Variants in CLASP2 observed in about 807,000 individuals in gnomAD.
CLASP2 encodes CLIP-associating protein 2.
In CLASP2, 47 loss-of-function variants were observed where a neutral mutation model predicts 194.4. That is an observed-to-expected ratio of 0.24 (90% CI 0.19 to 0.31). The LOEUF (loss-of-function observed/expected upper bound fraction) is 0.31. Ranked by LOEUF, CLASP2 falls within the 10% of genes least tolerant of loss-of-function variation. The probability of loss-of-function intolerance (pLI) is 1.00; values close to 1 mark genes in which losing one functional copy is unlikely to be tolerated. For synonymous variants in CLASP2, 619 were observed against 633.5 expected (o/e 0.98, Z 0.34); for missense variants, 1,445 against 1,823.6 (o/e 0.79, Z 3.78).
intron 1 of CLASP2, among the ~76,000 whole-genome samples, chr3:33,698,359 T>G (rs2092113714): frequency 6.6e-6 from 1 of 152,086 alleles, no homozygotes; most frequent in Non-Finnish European, 1.5e-5. Context: ...GGTCTCTAGT[T>G]GGGGAAAGCC....
At chr3:33,543,144 G>A (rs540782509) in intron 32 of CLASP2, among the ~76,000 whole-genome samples, 13 of 152,222 alleles carry the variant, frequency 8.5e-5, no homozygotes, top group Non-Finnish European at 1.3e-4. Context: ...AGGCCGAGGC[G>A]GGCAGATCAC....
chr3:33,585,409 C>T (rs901719519), intron 21 of CLASP2, among the ~76,000 whole-genome samples: 8 of 152,118 alleles, frequency 5.3e-5, no homozygotes, highest in African/African-American at 1.7e-4. Flanking sequence ...GATGGTATAG[C>T]CTACTACAGA....
intron 1 of CLASP2, among the ~76,000 whole-genome samples, chr3:33,710,866 C>T (rs531178233): frequency 3.3e-5 from 5 of 151,894 alleles, no homozygotes; most frequent in Middle Eastern, 3.5e-3. Context: ...ACCCGGGAGG[C>T]GGATGTTGCA....
chr3:33,522,020 T>C lies in CLASP2; in HGVS notation c.3788-4846A>G, dbSNP rs544557952. 2.0e-5 allele frequency among the ~76,000 whole-genome samples: 3 copies of C among 151,868 alleles called. No homozygotes were observed. The South Asian group carries it at 6.2e-4, about 31-fold the overall frequency. ...TGAGGACCTGTGCACTGTTGACTGC[T>C]GCTTTTTTTTTTCTTCCAAAGACCC... is the stretch of plus-strand genomic sequence containing the variant. On this transcript the variant is annotated intron_variant, in intron 34 of 38. Transcript: ENST00000682230.
At chr3:33,684,247 A>G in intron 6 of CLASP2, 112 bp downstream of exon 6, 1 of 577,874 alleles carries the variant, frequency 1.7e-6, no homozygotes, top group Non-Finnish European at 2.8e-6. Flanking sequence ...CTCCATCTCA[A>G]AAAAATAAAT....
chr3:33,516,906 G>A (rs998334159), intron 35 of CLASP2, 75 bp downstream of exon 35: 23 of 1,253,152 alleles, frequency 1.8e-5, no homozygotes, highest in African/African-American at 4.6e-5. Flanking sequence ...TGCTAAATCC[G>A]TGTAGCATTA....
intron 7 of CLASP2, among the ~76,000 whole-genome samples, chr3:33,645,929 TACACACACACACACACACAC>T (rs60196645): frequency 6.7e-5 from 9 of 135,202 alleles, no homozygotes; most frequent in South Asian, 5.1e-4. Context: ...TCTCCCAGCA[TACACACACACACACACACAC>T]ACACACACAC....
intron 8 of CLASP2, among the ~76,000 whole-genome samples, chr3:33,636,032 G>A (rs1367840040): frequency 3.3e-5 from 5 of 152,156 alleles, no homozygotes; most frequent in Non-Finnish European, 7.3e-5. Context: ...GTTGTATAAC[G>A]TAGACACCAA....
chr3:33,555,095 A>G (rs1373877626), intron 29 of CLASP2, among the ~76,000 whole-genome samples: 2 of 152,226 alleles, frequency 1.3e-5, no homozygotes, highest in African/African-American at 4.8e-5. Flanking sequence ...TTACCTAAAA[A>G]AAAGATACAC....
chr3:33,632,029 A>T (rs1209753255), intron 9 of CLASP2, among the ~76,000 whole-genome samples: 1 of 152,154 alleles, frequency 6.6e-6, no homozygotes, highest in Non-Finnish European at 1.5e-5. Context: ...TAATTCTCTG[A>T]GCTCAAAACT....
chr3:33,627,189 C>A, intron 9 of CLASP2, 109 bp from the exon 10 acceptor site: 1 of 704,224 alleles, frequency 1.4e-6, no homozygotes, highest in Non-Finnish European at 2.6e-6. Flanking sequence ...ATTTCCCATT[C>A]TAGCACCATT....
At chr3:33,499,122 C>T (rs2046241323) in intron 38 of CLASP2, among the ~76,000 whole-genome samples, 1 of 152,014 alleles carries the variant, frequency 6.6e-6, no homozygotes, top group Non-Finnish European at 1.5e-5. Flanking sequence ...GGGCAGTTCC[C>T]CTGTGCTGCT....
chr3:33,613,296 A>G (rs2075529290), intron 12 of CLASP2, among the ~76,000 whole-genome samples: 1 of 152,206 alleles, frequency 6.6e-6, no homozygotes, highest in Non-Finnish European at 1.5e-5. Flanking sequence ...GAAGCTCTAA[A>G]CTGAAATAGT....
chr3:33,519,963 C>T (rs898863538), intron 34 of CLASP2, among the ~76,000 whole-genome samples: 4 of 152,148 alleles, frequency 2.6e-5, no homozygotes, highest in African/African-American at 9.7e-5. Context: ...GGGAGTGATC[C>T]TGATAAACTG....
At chr3:33,655,468 G>C (rs2083986343) in intron 7 of CLASP2, among the ~76,000 whole-genome samples, 1 of 152,078 alleles carries the variant, frequency 6.6e-6, no homozygotes, top group African/African-American at 2.4e-5. Flanking sequence ...TTCAATCTTA[G>C]TGCCTGCTAC....
At chr3:33,594,913 G>A in intron 20 of CLASP2, 38 bp downstream of exon 20, 1 of 1,176,412 alleles carries the variant, frequency 8.5e-7, no homozygotes, top group Non-Finnish European at 1.2e-6. Flanking sequence ...TAGTAATGTA[G>A]ATGTATTTGT....
intron 7 of CLASP2, among the ~76,000 whole-genome samples, chr3:33,653,459 T>C (rs1185628466): frequency 6.6e-6 from 1 of 152,106 alleles, no homozygotes; most frequent in African/African-American, 2.4e-5. Context: ...ATCCTATAGA[T>C]GAATAGAGCC....
At position 33,576,382 on chromosome 3, in the gene CLASP2, G is replaced by A. The variant is rs2064896145; in HGVS notation, c.2348-107C>T. Reference sequence around the variant, plus strand: ...CAGGGGAAGGAAAAAAAACCAATGGGGCAAAGCATTTTAAAAGCAATATTG... The same window carrying A: ...CAGGGGAAGGAAAAAAAACCAATGGAGCAAAGCATTTTAAAAGCAATATTG... On this transcript the variant is annotated intron_variant, in intron 23 of 38. Transcript: ENST00000682230. 3 of 717,248 alleles carry A rather than the reference G, an allele frequency of 4.2e-6. No individual in the cohort carries two copies. The East Asian group carries it at 8.3e-5, about 20-fold the overall frequency. The allele number at this position is 717,248 out of a possible 1,614,324, so 44.4% of individuals were successfully genotyped here.
intron 34 of CLASP2, among the ~76,000 whole-genome samples, chr3:33,533,511 C>T (rs2056743971): frequency 6.6e-6 from 1 of 151,968 alleles, no homozygotes; most frequent in South Asian, 2.1e-4. Context: ...ATATTTAATT[C>T]CTCAATATCT....
Sources: gnomAD v4.1 joint callset for allele counts (sites outside exome capture counted in the v4.1 genomes callset) on GRCh38, gnomAD v4.1.1 for gene constraint, MANE v1.5 for transcripts, NCBI Gene and HGNC (gene_info 2026-07-23, HGNC 2026-07-21) for gene names.